Variants in SLC16A7 observed in about 807,000 individuals in gnomAD.
SLC16A7 encodes solute carrier family 16 member 7.
SLC16A7 carries 33 observed loss-of-function variants against 34.9 expected under a neutral mutation model. The ratio of observed to expected loss-of-function variants is 0.94; its 90% CI spans 0.72 to 1.26. The LOEUF is 1.26. Among genes scored for constraint, SLC16A7 ranks in the 50% most tolerant of loss-of-function variants. The probability of loss-of-function intolerance (pLI) is 0.00; values close to 1 mark genes in which losing one functional copy is unlikely to be tolerated. For synonymous variants in SLC16A7, 201 were observed against 206.6 expected, an observed-to-expected ratio of 0.97 and a Z score of 0.23; for missense variants, 573 against 578.1, an observed-to-expected ratio of 0.99 and a Z score of 0.09.
intron 3 of SLC16A7, among the ~76,000 whole-genome samples, chr12:59,738,935 G>T (rs1877939268): frequency 6.6e-6 from 1 of 150,654 alleles, no homozygotes; most frequent in African/African-American, 2.4e-5. Context: ...AGAACTTACA[G>T]TTCTCCAAAT....
chr12:59,626,567 G>C (rs575868714), intron 1 of SLC16A7, among the ~76,000 whole-genome samples: 14 of 151,810 alleles, frequency 9.2e-5, no homozygotes, highest in South Asian at 6.2e-4. Context: ...AAATACAGTA[G>C]ATCCTGACTC....
At chr12:59,765,824 T>C (rs529265372) in intron 3 of SLC16A7, among the ~76,000 whole-genome samples, 72 of 152,308 alleles carry the variant, frequency 4.7e-4, no homozygotes, top group African/African-American at 1.7e-3. Context: ...GGGCTCTTTT[T>C]TCGTTCCATA....
chr12:59,768,110 T>C, intron 3 of SLC16A7: 1 of 449,538 alleles, frequency 2.2e-6, no homozygotes, highest in Non-Finnish European at 4.4e-6. Flanking sequence ...TTTAAATACA[T>C]TTTGTAAGCT....
rs1449333204 is a variant in SLC16A7 at position 59,784,718 on chromosome 12, C to T, written c.*5039C>T. 1.3e-5 allele frequency: 2 copies of T among 152,118 alleles called. No homozygotes were observed. The highest frequency in any genetic ancestry group is 2.9e-5 in the Non-Finnish European group (2 of 68,028). The allele number at this position is 152,118 out of a possible 1,614,324, so 9.4% of individuals were successfully genotyped here. A position where few individuals can be genotyped will look rare whatever the true frequency, so the allele number is the denominator to read the frequency against. Reference sequence around the variant, plus strand: ...CTATTCAAATAGTGCACTTGCAAGGCGCTGCATTCTTCTCAAAGTCAGCCA... The same window carrying T: ...CTATTCAAATAGTGCACTTGCAAGGTGCTGCATTCTTCTCAAAGTCAGCCA... On this transcript the variant is annotated 3_prime_UTR_variant, in exon 6 of 6. Coordinates refer to ENST00000547379, the MANE Select transcript of SLC16A7 (RefSeq NM_001270623.2).
chr12:59,618,528 G>A (rs1232726731), intron 1 of SLC16A7, among the ~76,000 whole-genome samples: 1 of 151,898 alleles, frequency 6.6e-6, no homozygotes, highest in Non-Finnish European at 1.5e-5. Context: ...GAAATAGCTG[G>A]AATTTTCCTT....
intron 3 of SLC16A7, among the ~76,000 whole-genome samples, chr12:59,753,591 C>A (rs1385525685): frequency 6.6e-6 from 1 of 151,894 alleles, no homozygotes; most frequent in Non-Finnish European, 1.5e-5. Flanking sequence ...TACAGGAGCA[C>A]CCAGATTCAT....
rs1883221275 is a variant in SLC16A7, at chr12:59,781,206, C to T, written c.*1527C>T. ...AAATACCATTTTGAGTGAGAAAGTA[C>T]TTTTAAACAAGAAAGAAATTGTACA... On this transcript the variant is annotated 3_prime_UTR_variant, in exon 6 of 6. Coordinates refer to ENST00000547379, the MANE Select transcript of SLC16A7 (RefSeq NM_001270623.2). 6.6e-6 allele frequency: 1 copy of T among 152,238 alleles called. No homozygotes were observed. Among genetic ancestry groups the T allele is most frequent in the Non-Finnish European group, 1.5e-5 (1 of 67,978 alleles). The allele number at this position is 152,238 out of a possible 1,614,324, so 9.4% of individuals were successfully genotyped here. A position where few individuals can be genotyped will look rare whatever the true frequency, so the allele number is the denominator to read the frequency against.
intron 1 of SLC16A7, among the ~76,000 whole-genome samples, chr12:59,622,738 A>T (rs565884725): frequency 6.0e-4 from 91 of 151,802 alleles, no homozygotes; most frequent in Non-Finnish European, 1.1e-3. Context: ...ATATTTGACA[A>T]TATCCAAAAC....
intron 4 of SLC16A7, among the ~76,000 whole-genome samples, chr12:59,774,390 TTGA>T (rs1882524124): frequency 6.6e-6 from 1 of 152,208 alleles, no homozygotes; most frequent in Non-Finnish European, 1.5e-5. Context: ...TGTACGACTG[TTGA>T]TATATCAGTA....
chr12:59,766,175 G>A (rs1244171023), intron 3 of SLC16A7, among the ~76,000 whole-genome samples: 4 of 152,156 alleles, frequency 2.6e-5, no homozygotes. Flanking sequence ...TTTGCACATT[G>A]ATTTTGTATC....
chr12:59,671,032 C>T (rs1869636503), intron 2 of SLC16A7, among the ~76,000 whole-genome samples: 1 of 151,828 alleles, frequency 6.6e-6, no homozygotes. Context: ...ACTTGTCAGC[C>T]TCTTGTGCAA....
intron 1 of SLC16A7, among the ~76,000 whole-genome samples, chr12:59,606,157 T>C (rs967929111): frequency 6.6e-6 from 1 of 152,126 alleles, no homozygotes. Context: ...GGTCAGAAAA[T>C]AAACAAATAT....
chr12:59,781,608 AAATTAGGG>A lies in SLC16A7; in HGVS notation c.*1932_*1939del. 6.6e-6 allele frequency: 1 copy of A among 152,604 alleles called. No individual in the cohort carries two copies. The highest frequency in any genetic ancestry group is 1.5e-5 in the Non-Finnish European group (1 of 68,026). The allele number at this position is 152,604 out of a possible 1,614,324, so 9.5% of individuals were successfully genotyped here. A position where few individuals can be genotyped will look rare whatever the true frequency, so the allele number is the denominator to read the frequency against. On this transcript the variant is annotated 3_prime_UTR_variant, in exon 6 of 6. Coordinates refer to ENST00000547379, the MANE Select transcript of SLC16A7 (RefSeq NM_001270623.2). ...AGATGTGCCAATATCATAGGTAAAT[AAATTAGGG>A]AAAATGTGGGACTTTATGGCTGTTT...
At chr12:59,632,577 G>A (rs1880231056) in intron 1 of SLC16A7, among the ~76,000 whole-genome samples, 2 of 151,874 alleles carry the variant, frequency 1.3e-5, no homozygotes, top group Admixed American at 1.3e-4. Context: ...TAAATCTTGA[G>A]CCCTGGGCAC....
At chr12:59,599,728 C>G (rs1592375765) in intron 1 of SLC16A7, among the ~76,000 whole-genome samples, 1 of 152,194 alleles carries the variant, frequency 6.6e-6, no homozygotes, top group African/African-American at 2.4e-5. Flanking sequence ...TTCCCCTCCT[C>G]CCTTCAACTC....
intron 3 of SLC16A7, among the ~76,000 whole-genome samples, chr12:59,719,254 A>G (rs1875283322): frequency 6.6e-6 from 1 of 152,202 alleles, no homozygotes; most frequent in Non-Finnish European, 1.5e-5. Context: ...CTGTTCTAGT[A>G]AGAAAGACAA....
intron 3 of SLC16A7, among the ~76,000 whole-genome samples, chr12:59,728,765 A>G (rs952418877): frequency 1.3e-5 from 2 of 152,238 alleles, no homozygotes; most frequent in East Asian, 1.9e-4. Flanking sequence ...CAATGTTTAG[A>G]TAATGAATGC....
intron 5 of SLC16A7, among the ~76,000 whole-genome samples, chr12:59,776,827 A>G (rs573499205): frequency 1.3e-5 from 2 of 152,264 alleles, no homozygotes; most frequent in South Asian, 2.1e-4. Context: ...ATATAAATAT[A>G]CCATGACATC....
chr12:59,704,924 C>A lies in SLC16A7; in HGVS notation c.123C>A (p.Thr41=). ...GFSYAFPKAV[T]VFFKEIQQIF... is the part of the protein sequence containing the mutation. ...CCTATGCATTCCCCAAAGCTGTCACCGTATTCTTCAAAGAAATTCAGCAAA... is the reference window on the plus strand; with the variant it reads ...CCTATGCATTCCCCAAAGCTGTCACAGTATTCTTCAAAGAAATTCAGCAAA... Residue 41 remains threonine (T), a synonymous_variant, in exon 3 of 6, where the codon ACC becomes ACA. Transcript: ENST00000547379. 6.2e-7 allele frequency: 1 copy of A among 1,613,450 alleles called. No individual in the cohort carries two copies. Among genetic ancestry groups the A allele is most frequent in the Non-Finnish European group, 8.5e-7 (1 of 1,179,546 alleles).
Sources: allele counts gnomAD v4.1 joint callset (sites outside exome capture counted in the v4.1 genomes callset), GRCh38; gene constraint gnomAD v4.1.1; transcripts MANE v1.5; gene names NCBI Gene and HGNC (gene_info 2026-07-23, HGNC 2026-07-21).